FREM2: variants seen among roughly 807,000 people sequenced by gnomAD.
The protein encoded by FREM2 is FRAS1 related extracellular matrix 2, also known as FRAS1-related extracellular matrix protein 2.
A neutral mutation model predicts 219.9 loss-of-function variants in FREM2; 119 were observed. The ratio of observed to expected loss-of-function variants is 0.54; its 90% CI spans 0.47 to 0.63. FREM2 has a LOEUF of 0.63. Among genes scored for constraint, FREM2 ranks in the 30% least tolerant of loss-of-function variants. The pLI is 0.00. For missense variants in FREM2, 4,030 were observed against 3,993.6 expected (o/e 1.01, Z -0.25); for synonymous variants, 1,562 against 1,522.8 (o/e 1.03, Z -0.60).
At chr13:38,849,619 G>A (rs953114225) in intron 8 of FREM2, among the ~76,000 whole-genome samples, 3 of 152,044 alleles carry the variant, frequency 2.0e-5, no homozygotes, top group Admixed American at 6.5e-5. Context: ...ACCTAGCATA[G>A]GTGTCACCTA....
chr13:38,862,550 A>G (rs1877800933), intron 15 of FREM2, among the ~76,000 whole-genome samples: 1 of 152,224 alleles, frequency 6.6e-6, no homozygotes, highest in Admixed American at 6.5e-5. Flanking sequence ...TTCAATGTTC[A>G]ATAGCCACAG....
In FREM2 at chr13:38,692,249, G is replaced by A; in HGVS notation, c.4905G>A (p.Val1635=). ...HTDFYVFPDT[V]FETRRPQVMK... Reference sequence around the variant, plus strand: ...ACTTCTATGTTTTTCCTGATACGGTGTTTGAAACAAGGAGACCCCAAGTGA... The same window carrying A: ...ACTTCTATGTTTTTCCTGATACGGTATTTGAAACAAGGAGACCCCAAGTGA... Residue 1635 remains valine, a synonymous_variant, in exon 1 of 24, where the codon GTG becomes GTA. Coordinates refer to ENST00000280481, the MANE Select transcript of FREM2 (RefSeq NM_207361.6). The A allele has an allele frequency of 6.2e-7, 1 of 1,614,152 alleles. No homozygotes were observed. Among genetic ancestry groups the A allele is most frequent in the Non-Finnish European group, 8.5e-7 (1 of 1,180,030 alleles).
intron 6 of FREM2, among the ~76,000 whole-genome samples, chr13:38,832,731 A>G (rs1876559043): frequency 6.6e-6 from 1 of 152,164 alleles, no homozygotes; most frequent in Non-Finnish European, 1.5e-5. Context: ...TTTTAAAGAT[A>G]TGAAGCAGTA....
intron 6 of FREM2, among the ~76,000 whole-genome samples, chr13:38,834,473 G>A (rs1164600170): frequency 6.6e-6 from 1 of 152,052 alleles, no homozygotes; most frequent in Non-Finnish European, 1.5e-5. Flanking sequence ...CCCAGTAATG[G>A]GATTGCTGGG....
At chr13:38,866,060 CT>C (rs1245905029) in intron 16 of FREM2, among the ~76,000 whole-genome samples, 1 of 152,184 alleles carries the variant, frequency 6.6e-6, no homozygotes, top group Non-Finnish European at 1.5e-5. Context: ...ACAAAGCTGC[CT>C]TCAATCCATT....
Position 38,859,873 on chromosome 13 carries a change from ATGCAGACACATTTT to A in FREM2, c.7519+284_7519+297del, listed in dbSNP as rs1180340404. Among the ~76,000 whole-genome samples the A allele has an allele frequency of 6.9e-3, 1,045 of 152,272 alleles. 7 individuals carry two copies. Among genetic ancestry groups the A allele is most frequent in the African/African-American group, 0.024 (993 of 41,548 alleles). On this transcript the variant is annotated intron_variant, in intron 14 of 23. Coordinates refer to ENST00000280481, the MANE Select transcript of FREM2 (RefSeq NM_207361.6). ...TGAGGAATTCTTGGTCCAGTTGAAGATGCAGACACATTTTAGTCTAGACAGGGCACAGGAATGCA... is the reference window on the plus strand; with the variant it reads ...TGAGGAATTCTTGGTCCAGTTGAAGAAGTCTAGACAGGGCACAGGAATGCA...
chr13:38,706,735 G>A (rs1326861789), intron 2 of FREM2, among the ~76,000 whole-genome samples: 4 of 152,088 alleles, frequency 2.6e-5, no homozygotes, highest in Non-Finnish European at 4.4e-5. Context: ...TAATGATTGG[G>A]TAATGAATAA....
At chr13:38,852,557 C>A (rs1015734972) in intron 11 of FREM2, among the ~76,000 whole-genome samples, 39 of 152,212 alleles carry the variant, frequency 2.6e-4, no homozygotes, top group African/African-American at 9.4e-4. Flanking sequence ...CAATCTAAAT[C>A]TAAACCAAAA....
intron 20 of FREM2, 112 bp from the exon 21 acceptor site, chr13:38,877,005 A>T (rs1878362786): frequency 3.2e-6 from 4 of 1,260,268 alleles, no homozygotes; most frequent in Admixed American, 1.7e-5. Context: ...GAAAATTGCG[A>T]TGCAGTGTTT....
At chr13:38,725,605 C>T (rs1871485572) in intron 2 of FREM2, among the ~76,000 whole-genome samples, 1 of 152,100 alleles carries the variant, frequency 6.6e-6, no homozygotes, top group Non-Finnish European at 1.5e-5. Flanking sequence ...TGAGAAAAAC[C>T]CAGTGCAGCT....
chr13:38,714,793 C>T (rs919873747), intron 2 of FREM2, among the ~76,000 whole-genome samples: 1 of 151,920 alleles, frequency 6.6e-6, no homozygotes, highest in South Asian at 2.1e-4. Flanking sequence ...AAAAAAATTA[C>T]TTAAAAATTG....
rs541748462 is a variant in FREM2 at position 38,689,582 on chromosome 13, C to G, written c.2238C>G (p.Pro746=). Residue 746 remains proline (P), a synonymous_variant, in exon 1 of 24, where the codon CCC becomes CCG. Coordinates refer to ENST00000280481, the MANE Select transcript of FREM2 (RefSeq NM_207361.6). ...RELRYTVTQP[P]TDTDENHLPA... is the part of the protein sequence containing the mutation. Reference sequence around the variant, plus strand: ...TACGTTACACAGTGACTCAGCCCCCCACAGACACAGACGAAAATCACCTGC... The same window carrying G: ...TACGTTACACAGTGACTCAGCCCCCGACAGACACAGACGAAAATCACCTGC... The G allele has an allele frequency of 8.1e-6, 13 of 1,612,828 alleles. 1 individual carries two copies. Among genetic ancestry groups the G allele is most frequent in the Middle Eastern group, 3.3e-4 (2 of 6,056 alleles).
chr13:38,790,790 A>G (rs151200636), intron 6 of FREM2, among the ~76,000 whole-genome samples: 3 of 152,340 alleles, frequency 2.0e-5, no homozygotes, highest in East Asian at 1.9e-4. Flanking sequence ...ATTTCTAGAC[A>G]TGACCTTTTT....
intron 11 of FREM2, among the ~76,000 whole-genome samples, chr13:38,854,011 A>G (rs996042850): frequency 1.3e-5 from 2 of 151,952 alleles, no homozygotes; most frequent in African/African-American, 4.8e-5. Flanking sequence ...TATCCAATAA[A>G]TGTCAACATG....
At chr13:38,856,398 C>A in intron 12 of FREM2, 142 bp downstream of exon 12, 1 of 733,622 alleles carries the variant, frequency 1.4e-6, no homozygotes. Context: ...CTCTTTTTAC[C>A]ACCTAAATGT....
intron 2 of FREM2, among the ~76,000 whole-genome samples, chr13:38,763,705 G>T (rs927524560): frequency 4.6e-5 from 7 of 152,048 alleles, no homozygotes; most frequent in African/African-American, 1.5e-4. Context: ...CATTTTGGTG[G>T]GAAGATGGAA....
chr13:38,698,496 CT>C (rs1319182684), intron 2 of FREM2, among the ~76,000 whole-genome samples: 15 of 152,226 alleles, frequency 9.9e-5, no homozygotes, highest in African/African-American at 3.6e-4. Flanking sequence ...CTTCCTAACC[CT>C]GTGGGTGAGG....
chr13:38,692,891 TGAAG>T (rs1459712331), intron 1 of FREM2, among the ~76,000 whole-genome samples: 3 of 152,206 alleles, frequency 2.0e-5, no homozygotes, highest in Non-Finnish European at 4.4e-5. Flanking sequence ...GGCACCTTAA[TGAAG>T]GATGTGCTTT....
chr13:38,854,721 A>G (rs1877491921), intron 11 of FREM2, among the ~76,000 whole-genome samples: 1 of 152,192 alleles, frequency 6.6e-6, no homozygotes, highest in Non-Finnish European at 1.5e-5. Flanking sequence ...TAGTTGCTGT[A>G]TCTAGAGACA....
Sources: allele counts gnomAD v4.1 joint callset (sites outside exome capture counted in the v4.1 genomes callset), GRCh38; gene constraint gnomAD v4.1.1; transcripts MANE v1.5; gene names NCBI Gene and HGNC (gene_info 2026-07-23, HGNC 2026-07-21).